NR2C2: variants seen among roughly 807,000 people sequenced by gnomAD.
NR2C2 encodes the protein nuclear receptor subfamily 2 group C member 2.
NR2C2 carries 6 observed loss-of-function variants against 62.9 expected under a neutral mutation model. The ratio of observed to expected loss-of-function variants is 0.10; its 90% CI spans 0.05 to 0.19. The LOEUF (loss-of-function observed/expected upper bound fraction) is 0.19, where lower values mean the gene tolerates loss of function less well. Among genes scored for constraint, NR2C2 ranks in the 10% least tolerant of loss-of-function variants. NR2C2 has a pLI of 1.00. For missense variants in NR2C2, 479 were observed against 762.7 expected (o/e 0.63, Z 4.38); for synonymous variants, 272 against 273.8 (o/e 0.99, Z 0.07).
At chr3:14,975,154 G>C (rs1237800887) in intron 1 of NR2C2, among the ~76,000 whole-genome samples, 2 of 152,128 alleles carry the variant, frequency 1.3e-5, no homozygotes, top group Non-Finnish European at 2.9e-5. Context: ...GTACATATAA[G>C]GTTCTGTCGT....
intron 1 of NR2C2, among the ~76,000 whole-genome samples, chr3:14,992,539 C>T (rs765118801): frequency 6.6e-6 from 1 of 152,096 alleles, no homozygotes; most frequent in African/African-American, 2.4e-5. Flanking sequence ...TGTGCCTGGC[C>T]TTGGGAATAA....
At chr3:14,998,233 G>C (rs1046618946) in intron 1 of NR2C2, among the ~76,000 whole-genome samples, 1 of 152,080 alleles carries the variant, frequency 6.6e-6, no homozygotes, top group Non-Finnish European at 1.5e-5. Context: ...GTGAACATTT[G>C]TATACAAGCT....
At chr3:14,993,733 T>C (rs1477842133) in intron 1 of NR2C2, among the ~76,000 whole-genome samples, 1 of 152,172 alleles carries the variant, frequency 6.6e-6, no homozygotes, top group Non-Finnish European at 1.5e-5. Flanking sequence ...CTCAGGGCTA[T>C]TCACTCAATC....
intron 1 of NR2C2, among the ~76,000 whole-genome samples, chr3:14,962,070 G>T (rs536961259): frequency 2.6e-5 from 4 of 152,152 alleles, no homozygotes; most frequent in Non-Finnish European, 5.9e-5. Flanking sequence ...AGCATACTGT[G>T]ACAGGGAACT....
chr3:14,977,277 G>A (rs1386813116), intron 1 of NR2C2, among the ~76,000 whole-genome samples: 1 of 152,166 alleles, frequency 6.6e-6, no homozygotes, highest in Non-Finnish European at 1.5e-5. Context: ...TTCTCCAACT[G>A]TAGGATTAAT....
chr3:14,995,833 C>G (rs1162455737), intron 1 of NR2C2, among the ~76,000 whole-genome samples: 1 of 152,178 alleles, frequency 6.6e-6, no homozygotes, highest in African/African-American at 2.4e-5. Context: ...CTCAACCTTG[C>G]TAACATTTGT....
At chr3:14,981,202 C>G (rs1224687292) in intron 1 of NR2C2, among the ~76,000 whole-genome samples, 1 of 152,204 alleles carries the variant, frequency 6.6e-6, no homozygotes, top group Non-Finnish European at 1.5e-5. Context: ...TGCAATGGCT[C>G]ACACCTGTAA....
intron 1 of NR2C2, among the ~76,000 whole-genome samples, chr3:14,950,004 A>G (rs1559521673): frequency 6.6e-6 from 1 of 152,238 alleles, no homozygotes; most frequent in Non-Finnish European, 1.5e-5. Flanking sequence ...GGACAATAAT[A>G]GAGCCTTCCT....
intron 3 of NR2C2, among the ~76,000 whole-genome samples, chr3:15,014,172 C>G (rs1401985290): frequency 2.0e-5 from 3 of 152,200 alleles, no homozygotes; most frequent in Non-Finnish European, 2.9e-5. Context: ...TCCAGATCAT[C>G]AGGTCTGTGG....
chr3:15,010,859 G>A (rs556078827), intron 2 of NR2C2, among the ~76,000 whole-genome samples: 11 of 152,222 alleles, frequency 7.2e-5, no homozygotes, highest in Non-Finnish European at 1.3e-4. Context: ...CTGGAGAAGA[G>A]CATACAAGAA....
intron 11 of NR2C2, 32 bp downstream of exon 11, chr3:15,034,841 T>A: frequency 6.3e-7 from 1 of 1,579,884 alleles, no homozygotes; most frequent in East Asian, 2.3e-5. Flanking sequence ...CTGGGGTGTG[T>A]CTTGGTTCAG....
chr3:15,006,576 A>G (rs955980705), intron 2 of NR2C2, among the ~76,000 whole-genome samples: 5 of 152,072 alleles, frequency 3.3e-5, no homozygotes, highest in African/African-American at 9.7e-5. Flanking sequence ...AGGGATTCTC[A>G]TTGTACTCAG....
intron 1 of NR2C2, among the ~76,000 whole-genome samples, chr3:14,979,751 G>A (rs2040310675): frequency 6.6e-6 from 1 of 152,016 alleles, no homozygotes; most frequent in Admixed American, 6.6e-5. Context: ...GAGGGAGGGA[G>A]GAAGAAGGTC....
chr3:15,010,861 A>G (rs1030126885), intron 2 of NR2C2, among the ~76,000 whole-genome samples: 1 of 152,196 alleles, frequency 6.6e-6, no homozygotes, highest in Non-Finnish European at 1.5e-5. Flanking sequence ...GGAGAAGAGC[A>G]TACAAGAAAT....
intron 1 of NR2C2, among the ~76,000 whole-genome samples, 181 bp from the exon 2 acceptor site, chr3:15,003,695 T>TG (rs1021072974): frequency 6.6e-6 from 1 of 152,212 alleles, no homozygotes; most frequent in African/African-American, 2.4e-5. Context: ...TGTATTTTCC[T>TG]GGGGGGCATC....
chr3:15,024,317 G>C (rs1265494027), intron 7 of NR2C2, 109 bp downstream of exon 7: 2 of 704,274 alleles, frequency 2.8e-6, no homozygotes, highest in Non-Finnish European at 4.9e-6. Context: ...CACATCAAAA[G>C]CATGACCTAT....
intron 8 of NR2C2, 93 bp downstream of exon 8, chr3:15,028,812 T>C (rs1039314465): frequency 3.7e-6 from 5 of 1,341,032 alleles, no homozygotes; most frequent in Admixed American, 4.3e-5. Flanking sequence ...ACCTGTGCTG[T>C]ATTTAACTAA....
In NR2C2 at chr3:14,953,604, A is replaced by T. The variant is rs902871988; in HGVS notation, c.-40+5698A>T. 5.9e-5 allele frequency among the ~76,000 whole-genome samples: 9 copies of T among 152,124 alleles called. No individual in the cohort carries two copies. The East Asian group carries it at 7.7e-4, about 13-fold the overall frequency. ...CCACCCATGTTCCTTAAAAAGAAAG[A>T]TTCACGTATGGCCAGGCGTGGTGGC... On this transcript the variant is annotated intron_variant, in intron 1 of 13. Coordinates refer to ENST00000425241, the MANE Select transcript of NR2C2 (RefSeq NM_001291694.2).
At chr3:15,001,079 G>T (rs2040980248) in intron 1 of NR2C2, among the ~76,000 whole-genome samples, 1 of 152,000 alleles carries the variant, frequency 6.6e-6, no homozygotes, top group African/African-American at 2.4e-5. Flanking sequence ...CTCCCAAAGT[G>T]CTGGGATTAC....
Sources: gnomAD v4.1 joint callset for allele counts (sites outside exome capture counted in the v4.1 genomes callset) on GRCh38, gnomAD v4.1.1 for gene constraint, MANE v1.5 for transcripts, NCBI Gene and HGNC (gene_info 2026-07-23, HGNC 2026-07-21) for gene names.